The following ARMC9 variants were observed in gnomAD, a reference collection of about 807,000 sequenced individuals.
The protein encoded by ARMC9 is armadillo repeat containing 9.
In ARMC9, 94 loss-of-function variants were observed where a neutral mutation model predicts 107.0. The ratio of observed to expected loss-of-function variants is 0.88; its 90% CI spans 0.74 to 1.04. The LOEUF (loss-of-function observed/expected upper bound fraction) is 1.04, where lower values mean the gene tolerates loss of function less well. Among genes scored for constraint, ARMC9 ranks in the 50% least tolerant of loss-of-function variants. The pLI, the probability that ARMC9 is intolerant of heterozygous loss-of-function variation, is 0.00. For missense variants in ARMC9, 942 were observed against 1,030.1 expected, an observed-to-expected ratio of 0.91 and a Z score of 1.17; for synonymous variants, 380 against 396.9, an observed-to-expected ratio of 0.96 and a Z score of 0.51.
Position 231,355,262 on chromosome 2 carries a change from C to T in ARMC9, c.1995-536C>T, listed in dbSNP as rs186155531. ...GCTGAGATGGGAGGATCACTTGAGCCTGGGAGGTCAAGGCTACAAGTGAGC... is the reference window on the plus strand; with the variant it reads ...GCTGAGATGGGAGGATCACTTGAGCTTGGGAGGTCAAGGCTACAAGTGAGC... On this transcript the variant is annotated intron_variant, in intron 21 of 24. Transcript: ENST00000611582. Among the ~76,000 whole-genome samples the T allele has an allele frequency of 6.8e-5, 10 of 147,016 alleles. No homozygotes were observed. The East Asian group carries it at 1.9e-3, about 28-fold the overall frequency.
chr2:231,308,444 A>T (rs540130811), intron 19 of ARMC9, among the ~76,000 whole-genome samples: 1 of 152,254 alleles, frequency 6.6e-6, no homozygotes, highest in South Asian at 2.1e-4. Context: ...AGCTTGGCTG[A>T]TGGCAGAGGG....
rs2038423254 is a variant in ARMC9 at position 231,262,186 on chromosome 2, C to G, written c.1027-120C>G. 4 of 936,720 alleles carry G rather than the reference C, an allele frequency of 4.3e-6. No homozygotes were observed. The South Asian group carries it at 5.8e-5, about 14-fold the overall frequency. 58.0% of individuals were successfully genotyped at this position (936,720 alleles called of 1,614,324 possible). On this transcript the variant is annotated intron_variant, in intron 11 of 24. Transcript: ENST00000611582. ...CCACCACTCCCCAAGCTGGATATTA[C>G]TTATTTTGTTTGGTTAAATGTGTAG... is the stretch of plus-strand genomic sequence containing the variant.
intron 10 of ARMC9, among the ~76,000 whole-genome samples, chr2:231,257,149 A>G (rs780569537): frequency 7.2e-5 from 11 of 152,192 alleles, no homozygotes; most frequent in Non-Finnish European, 1.3e-4. Context: ...TTTGGTAAGG[A>G]AGCCTCAAAC....
rs180937167 is a variant in ARMC9 at position 231,266,176 on chromosome 2, A to G, written c.1119+3778A>G. Among the ~76,000 whole-genome samples, 15 of 152,300 alleles carry G rather than the reference A, an allele frequency of 9.8e-5. 1 individual carries two copies. The highest frequency in any genetic ancestry group is 2.2e-4 in the Non-Finnish European group (15 of 68,028). On this transcript the variant is annotated intron_variant, in intron 12 of 24. Coordinates refer to ENST00000611582, the MANE Select transcript of ARMC9 (RefSeq NM_001352754.2). Reference sequence around the variant, plus strand: ...CATTCCTCTCCCATAGTGGTTCTCAAAGTTTAACATGCATCGTTATCTCCT... The same window carrying G: ...CATTCCTCTCCCATAGTGGTTCTCAGAGTTTAACATGCATCGTTATCTCCT...
chr2:231,315,025 G>A (rs866030523), intron 19 of ARMC9, among the ~76,000 whole-genome samples: 19 of 151,830 alleles, frequency 1.3e-4, no homozygotes, highest in African/African-American at 3.9e-4. Flanking sequence ...CGGATCATGA[G>A]GTCAGGAGTT....
intron 22 of ARMC9, among the ~76,000 whole-genome samples, chr2:231,359,005 T>A (rs1351797253): frequency 3.3e-5 from 5 of 151,134 alleles, no homozygotes; most frequent in Admixed American, 3.3e-4. Context: ...GATACTACTG[T>A]CCCAGGAAGA....
At chr2:231,279,414 G>C (rs1352020862) in intron 16 of ARMC9, among the ~76,000 whole-genome samples, 1 of 151,958 alleles carries the variant, frequency 6.6e-6, no homozygotes, top group Non-Finnish European at 1.5e-5. Context: ...AGACAGATGA[G>C]ACCCAGGGGT....
intron 22 of ARMC9, among the ~76,000 whole-genome samples, chr2:231,359,819 A>G (rs1490877264): frequency 6.6e-6 from 1 of 152,252 alleles, no homozygotes; most frequent in South Asian, 2.1e-4. Flanking sequence ...GGTATCAGAA[A>G]TAGATTCTCG....
intron 21 of ARMC9, among the ~76,000 whole-genome samples, chr2:231,349,343 C>T (rs1290957209): frequency 6.6e-6 from 1 of 152,132 alleles, no homozygotes; most frequent in Non-Finnish European, 1.5e-5. Context: ...AGTCAAACAT[C>T]ACACGTTCCC....
At chr2:231,215,869 A>G (rs780677349) in intron 4 of ARMC9, among the ~76,000 whole-genome samples, 1 of 151,982 alleles carries the variant, frequency 6.6e-6, no homozygotes, top group Non-Finnish European at 1.5e-5. Context: ...ATCACAGGAG[A>G]TTTTCATTTT....
chr2:231,376,778 T>A lies in ARMC9; in HGVS notation c.*5243T>A, dbSNP rs1306756646. ...TCCCTAATAAAAACTTGCTGGTTTT[T>A]GTGGCTTGTGGGGCATCACGGATCC... On this transcript the variant is annotated 3_prime_UTR_variant, in exon 25 of 25. Transcript: ENST00000611582. 6.6e-6 allele frequency among the ~76,000 whole-genome samples: 1 copy of A among 152,198 alleles called. No homozygotes were observed. Among genetic ancestry groups the A allele is most frequent in the Non-Finnish European group, 1.5e-5 (1 of 68,020 alleles).
intron 20 of ARMC9, among the ~76,000 whole-genome samples, chr2:231,336,213 CTT>C (rs200402527): frequency 7.0e-5 from 10 of 143,784 alleles, no homozygotes; most frequent in Non-Finnish European, 7.7e-5. Context: ...AGAATCCCAG[CTT>C]TTTTTTTTTT....
chr2:231,309,302 C>T (rs1373327047), intron 19 of ARMC9, among the ~76,000 whole-genome samples: 2 of 152,162 alleles, frequency 1.3e-5, no homozygotes, highest in Non-Finnish European at 2.9e-5. Context: ...ATTTGTCCAA[C>T]ATCGGTTGCC....
intron 7 of ARMC9, among the ~76,000 whole-genome samples, chr2:231,228,854 G>C (rs1052176884): frequency 2.0e-5 from 3 of 151,968 alleles, no homozygotes; most frequent in Non-Finnish European, 4.4e-5. Flanking sequence ...TTCTCTCTCT[G>C]GTTCCTGAGT....
At chr2:231,340,995 G>A (rs1204185225) in intron 20 of ARMC9, among the ~76,000 whole-genome samples, 1 of 152,124 alleles carries the variant, frequency 6.6e-6, no homozygotes, top group East Asian at 1.9e-4. Flanking sequence ...TTGAGGCCAG[G>A]AGATCAAGAC....
intron 19 of ARMC9, among the ~76,000 whole-genome samples, chr2:231,314,080 T>G (rs2042522261): frequency 6.6e-6 from 1 of 150,526 alleles, no homozygotes; most frequent in African/African-American, 2.4e-5. Context: ...TTTTTTTTTT[T>G]TTTGTTTTTT....
At chr2:231,263,319 A>G (rs137993695) in intron 12 of ARMC9, among the ~76,000 whole-genome samples, 38 of 152,340 alleles carry the variant, frequency 2.5e-4, no homozygotes, top group Admixed American at 9.8e-4. Context: ...GGTAATTTAT[A>G]AACAATCCAA....
At chr2:231,323,640 A>G (rs962374294) in intron 19 of ARMC9, among the ~76,000 whole-genome samples, 7 of 152,190 alleles carry the variant, frequency 4.6e-5, no homozygotes, top group Admixed American at 6.5e-5. Context: ...ATATCTACAC[A>G]GTATCATGGC....
At chr2:231,231,908 C>T (rs367597981) in intron 7 of ARMC9, among the ~76,000 whole-genome samples, 10 of 151,498 alleles carry the variant, frequency 6.6e-5, no homozygotes, top group African/African-American at 1.7e-4. Context: ...AGGCTTGTGT[C>T]GAACTCCCGA....
Sources: allele counts gnomAD v4.1 joint callset (sites outside exome capture counted in the v4.1 genomes callset), GRCh38; gene constraint gnomAD v4.1.1; transcripts MANE v1.5; gene names NCBI Gene and HGNC (gene_info 2026-07-23, HGNC 2026-07-21).